Variants in SHISA9 observed in about 807,000 individuals in gnomAD.
The protein encoded by SHISA9 is shisa family member 9.
Under a neutral mutation model 38.0 loss-of-function variants are expected in SHISA9, and 13 were observed. The ratio of observed to expected loss-of-function variants is 0.34; its 90% CI spans 0.22 to 0.54. SHISA9 has a LOEUF of 0.54. Ranked by LOEUF, SHISA9 falls within the 20% of genes least tolerant of loss-of-function variation. SHISA9 has a pLI of 0.91. For synonymous variants in SHISA9, 275 were observed against 242.0 expected (o/e 1.14, Z -1.27); for missense variants, 538 against 575.8 (o/e 0.93, Z 0.67).
chr16:12,918,574 C>G (rs1199135911), intron 2 of SHISA9, among the ~76,000 whole-genome samples: 1 of 152,176 alleles, frequency 6.6e-6, no homozygotes, highest in African/African-American at 2.4e-5. Flanking sequence ...GAAAGTTGTA[C>G]TGAAAATGGA....
intron 2 of SHISA9, among the ~76,000 whole-genome samples, chr16:13,049,164 G>C (rs1265600967): frequency 0.052 from 776 of 14,882 alleles, 5 homozygotes; most frequent in Middle Eastern, 0.19. Context: ...GTATGTGTGT[G>C]TGTGTGTGTG....
intron 2 of SHISA9, among the ~76,000 whole-genome samples, chr16:13,003,806 C>T (rs558675950): frequency 1.6e-4 from 25 of 152,024 alleles, no homozygotes; most frequent in South Asian, 2.1e-4. Flanking sequence ...TGCAGTGAGC[C>T]GAGATCGCGC....
At chr16:13,407,944 T>C in the SHISA9 span, among the ~76,000 whole-genome samples, 2,126 of 152,306 alleles carry the variant, frequency 0.014, 45 homozygotes, top group African/African-American at 0.048. Flanking sequence ...CTAGATGTCT[T>C]ACAGATCTAG....
chr16:13,032,374 T>G (rs2073002446), intron 2 of SHISA9, among the ~76,000 whole-genome samples: 1 of 152,166 alleles, frequency 6.6e-6, no homozygotes, highest in African/African-American at 2.4e-5. Context: ...TAGGGCTGCA[T>G]AGTATTCCAT....
chr16:13,337,456 T>A, the SHISA9 span, among the ~76,000 whole-genome samples: 4 of 152,254 alleles, frequency 2.6e-5, no homozygotes, highest in African/African-American at 9.6e-5. Context: ...CCATTAAACC[T>A]CTTTCTTTTG....
chr16:13,129,055 T>C (rs367584421), intron 2 of SHISA9, among the ~76,000 whole-genome samples: 3 of 152,328 alleles, frequency 2.0e-5, no homozygotes, highest in African/African-American at 7.2e-5. Flanking sequence ...AACTTGCCAA[T>C]ATTTTTGTCT....
At chr16:13,338,824 A>C in the SHISA9 span, among the ~76,000 whole-genome samples, 1 of 152,202 alleles carries the variant, frequency 6.6e-6, no homozygotes, top group Non-Finnish European at 1.5e-5. Context: ...AGCAAAAGTC[A>C]CGATAATGGA....
intron 2 of SHISA9, among the ~76,000 whole-genome samples, chr16:12,920,490 TAA>T (rs1164570457): frequency 6.6e-6 from 1 of 152,120 alleles, no homozygotes; most frequent in Non-Finnish European, 1.5e-5. Context: ...TAAAATAACT[TAA>T]AGAGTGTCAT....
chr16:13,267,460 A>C, the SHISA9 span, among the ~76,000 whole-genome samples: 5 of 152,218 alleles, frequency 3.3e-5, no homozygotes, highest in African/African-American at 1.2e-4. Flanking sequence ...GAGTTTGTAC[A>C]GCCCTTTTGG....
the SHISA9 span, among the ~76,000 whole-genome samples, chr16:13,439,701 C>G: frequency 0.011 from 1,640 of 152,270 alleles, 31 homozygotes; most frequent in African/African-American, 0.038. Flanking sequence ...CCTTCAAGTT[C>G]TCAAATCTTT....
rs369109466 is a variant in SHISA9, at chr16:13,203,908, CCTAT to C, written c.847+364_847+367del. On this transcript the variant is annotated intron_variant, in intron 3 of 4. Transcript: ENST00000558583. ...CATCCATCTACTATTCACTTATCTG[CCTAT>C]CTATTATCTATTGAATCTATCTACC... Among the ~76,000 whole-genome samples, 321 of 151,602 alleles carry C rather than the reference CCTAT, an allele frequency of 2.1e-3. 1 individual carries two copies. Among genetic ancestry groups the C allele is most frequent in the African/African-American group, 4.7e-3 (195 of 41,274 alleles).
the SHISA9 span, among the ~76,000 whole-genome samples, chr16:13,366,322 G>A: frequency 6.6e-6 from 1 of 152,196 alleles, no homozygotes; most frequent in Admixed American, 6.5e-5. Context: ...TGTGAAAATA[G>A]AGGACACAGC....
At chr16:13,089,217 G>A (rs2073747309) in intron 2 of SHISA9, among the ~76,000 whole-genome samples, 1 of 152,144 alleles carries the variant, frequency 6.6e-6, no homozygotes, top group Non-Finnish European at 1.5e-5. Context: ...ATTTTATTGA[G>A]GATTTACGCA....
intron 4 of SHISA9, among the ~76,000 whole-genome samples, chr16:13,222,813 C>T (rs2042417): frequency 0.24 from 19,456 of 79,494 alleles, 1,293 homozygotes; most frequent in East Asian, 0.39. Flanking sequence ...TATATATATA[C>T]ATACACACAC....
the SHISA9 span, among the ~76,000 whole-genome samples, chr16:13,455,627 C>G: frequency 2.6e-5 from 4 of 152,274 alleles, no homozygotes; most frequent in Non-Finnish European, 5.9e-5. Flanking sequence ...TTACAAAGTG[C>G]CTTCATGTGT....
chr16:13,051,348 G>T (rs2073248704), intron 2 of SHISA9, among the ~76,000 whole-genome samples: 1 of 152,156 alleles, frequency 6.6e-6, no homozygotes, highest in African/African-American at 2.4e-5. Flanking sequence ...ACAGTATGGG[G>T]GAAACCACCC....
intron 1 of SHISA9, among the ~76,000 whole-genome samples, chr16:12,904,171 G>C (rs1313499336): frequency 6.6e-6 from 1 of 152,166 alleles, no homozygotes; most frequent in African/African-American, 2.4e-5. Context: ...GCCAGTCCCT[G>C]TTAATTCCCC....
chr16:13,052,434 G>A (rs1317395555), intron 2 of SHISA9, among the ~76,000 whole-genome samples: 1 of 152,170 alleles, frequency 6.6e-6, no homozygotes, highest in East Asian at 1.9e-4. Context: ...TCTTGTGAGA[G>A]CTCTACCAAC....
At chr16:13,022,538 C>G (rs2072870702) in intron 2 of SHISA9, among the ~76,000 whole-genome samples, 1 of 152,066 alleles carries the variant, frequency 6.6e-6, no homozygotes, top group Non-Finnish European at 1.5e-5. Flanking sequence ...ACCATGTTGG[C>G]CAGGCTTGTC....
Sources: gnomAD v4.1 joint callset for allele counts (sites outside exome capture counted in the v4.1 genomes callset) on GRCh38, gnomAD v4.1.1 for gene constraint, MANE v1.5 for transcripts, NCBI Gene and HGNC (gene_info 2026-07-23, HGNC 2026-07-21) for gene names.